FAAH2: variants seen among roughly 807,000 people sequenced by gnomAD.
FAAH2 encodes fatty-acid amide hydrolase 2.
A neutral mutation model predicts 36.9 loss-of-function variants in FAAH2; 60 were observed. That is an observed-to-expected ratio of 1.63 (90% CI 1.32 to 2.02). FAAH2 has a LOEUF of 2.02. FAAH2 is among the 30% of genes most tolerant of loss of function. FAAH2 has a pLI of 0.00. For missense variants in FAAH2, 689 were observed against 397.5 expected (o/e 1.73, Z -6.23); for synonymous variants, 214 against 143.8 (o/e 1.49, Z -3.49).
At chrX:57,198,416 C>T in the FAAH2 span, among the ~76,000 whole-genome samples, 1 of 112,011 alleles carries the variant, frequency 8.9e-6, no homozygotes, top group Non-Finnish European at 1.9e-5. Flanking sequence ...GTCTCACTCT[C>T]ACCATGCCCC....
intron 10 of FAAH2, among the ~76,000 whole-genome samples, chrX:57,478,340 GT>G (rs766868743): frequency 2.3e-4 from 25 of 110,999 alleles, no homozygotes; most frequent in African/African-American, 7.5e-4. Flanking sequence ...GGGGTTGTTT[GT>G]TTTTTTCTTG....
chrX:57,213,443 A>T, the FAAH2 span, among the ~76,000 whole-genome samples: 188 of 111,180 alleles, frequency 1.7e-3, 1 homozygote, highest in Non-Finnish European at 3.1e-3. Flanking sequence ...TGATCTTTCC[A>T]TTCTTTTGAT....
the FAAH2 span, among the ~76,000 whole-genome samples, chrX:57,216,707 A>G: frequency 3.2e-5 from 3 of 92,694 alleles, no homozygotes; most frequent in African/African-American, 1.1e-4. Context: ...ACGATTTTGC[A>G]ATTGTTAATT....
chrX:57,428,286 A>G (rs1376058493), intron 7 of FAAH2, among the ~76,000 whole-genome samples: 1 of 112,202 alleles, frequency 8.9e-6, no homozygotes, highest in Non-Finnish European at 1.9e-5. Context: ...CTTGAATAAG[A>G]GGAATGAATA....
intron 10 of FAAH2, among the ~76,000 whole-genome samples, chrX:57,479,334 A>T (rs1336717115): frequency 8.1e-5 from 9 of 111,696 alleles, no homozygotes; most frequent in African/African-American, 2.9e-4. Flanking sequence ...TTGTACGTTG[A>T]TTTTTGTATC....
chrX:57,449,262 C>T (rs1436823583), intron 10 of FAAH2, among the ~76,000 whole-genome samples: 1 of 112,006 alleles, frequency 8.9e-6, no homozygotes, highest in East Asian at 2.8e-4. Flanking sequence ...AGGTCAGTTT[C>T]TATGGTTTCT....
At chrX:57,350,086 A>G (rs1328178818) in intron 5 of FAAH2, among the ~76,000 whole-genome samples, 1 of 111,347 alleles carries the variant, frequency 9.0e-6, no homozygotes, top group Non-Finnish European at 1.9e-5. Context: ...AAGGCCAGAA[A>G]ATAAATGGAT....
At chrX:57,295,575 G>A (rs1467820816) in intron 2 of FAAH2, among the ~76,000 whole-genome samples, 1 of 111,940 alleles carries the variant, frequency 8.9e-6, no homozygotes, top group African/African-American at 3.2e-5. Flanking sequence ...GGAGGTACTG[G>A]GTTCATCTCA....
the FAAH2 span, chrX:57,135,030 C>A: frequency 9.0e-6 from 1 of 111,679 alleles, no homozygotes; most frequent in Admixed American, 9.5e-5. Flanking sequence ...AGAAGTCCAA[C>A]ATTTTCCTGG....
At chrX:57,277,066 C>A in the FAAH2 span, among the ~76,000 whole-genome samples, 1 of 111,570 alleles carries the variant, frequency 9.0e-6, no homozygotes, top group Non-Finnish European at 1.9e-5. Context: ...TCCTCCCTGT[C>A]TCATTTTATA....
chrX:57,366,621 G>A (rs773448431), intron 5 of FAAH2, among the ~76,000 whole-genome samples: 1 of 112,280 alleles, frequency 8.9e-6, no homozygotes, highest in East Asian at 2.8e-4. Context: ...GAGACTGTGG[G>A]CAAGCATACA....
the FAAH2 span, among the ~76,000 whole-genome samples, chrX:57,200,047 T>C: frequency 8.9e-6 from 1 of 111,775 alleles, no homozygotes; most frequent in Admixed American, 9.5e-5. Context: ...CTTCAGCTAA[T>C]GTACAGCTTT....
chrX:57,283,470 T>G (rs778712023), upstream of FAAH2, among the ~76,000 whole-genome samples: 6 of 110,770 alleles, frequency 5.4e-5, no homozygotes, highest in Non-Finnish European at 1.1e-4. Flanking sequence ...AGTAAAGCCC[T>G]CAGGATCTTC....
In FAAH2 at chrX:57,352,078, A is replaced by G. The variant is rs6612788; in HGVS notation, c.742+10688A>G. ...TATATATATATATACACATATATAT[A>G]TGTGTATATATATGCACATATATAT... On this transcript the variant is annotated intron_variant, in intron 5 of 10. Coordinates refer to ENST00000374900, the MANE Select transcript of FAAH2 (RefSeq NM_174912.4). 7.3e-3 allele frequency among the ~76,000 whole-genome samples: 293 copies of G among 40,279 alleles called. 29 individuals carry two copies. Among genetic ancestry groups the G allele is most frequent in the Non-Finnish European group, 0.01 (267 of 26,187 alleles). The allele number at this position is 40,279 out of a possible 115,157, so 35.0% of individuals were successfully genotyped here.
intron 7 of FAAH2, among the ~76,000 whole-genome samples, chrX:57,384,945 C>T (rs1223042219): frequency 9.9e-5 from 11 of 111,633 alleles, no homozygotes; most frequent in Non-Finnish European, 1.7e-4. Context: ...GAATACTATG[C>T]AGCCAGAAAA....
intron 7 of FAAH2, among the ~76,000 whole-genome samples, chrX:57,407,053 T>C (rs1311684484): frequency 8.9e-6 from 1 of 112,059 alleles, no homozygotes; most frequent in Non-Finnish European, 1.9e-5. Context: ...CTGTGTTTCC[T>C]TTGTCCCAAG....
At chrX:57,359,970 G>GT (rs763849674) in intron 5 of FAAH2, among the ~76,000 whole-genome samples, 2,800 of 98,578 alleles carry the variant, frequency 0.028, 91 homozygotes, top group African/African-American at 0.085. Flanking sequence ...TTTTCAGGGT[G>GT]TTTTTTTTTT....
the FAAH2 span, among the ~76,000 whole-genome samples, chrX:57,256,218 A>G: frequency 8.9e-6 from 1 of 111,753 alleles, no homozygotes; most frequent in East Asian, 2.8e-4. Flanking sequence ...CTTACAAGGG[A>G]TGTGAAGGAC....
At chrX:57,160,266 C>A in the FAAH2 span, among the ~76,000 whole-genome samples, 2 of 111,530 alleles carry the variant, frequency 1.8e-5, no homozygotes, top group Admixed American at 9.5e-5. Context: ...ATTTTTGCAT[C>A]AATGTTCATT....
Sources: allele counts gnomAD v4.1 joint callset (sites outside exome capture counted in the v4.1 genomes callset), GRCh38; gene constraint gnomAD v4.1.1; transcripts MANE v1.5; gene names NCBI Gene and HGNC (gene_info 2026-07-23, HGNC 2026-07-21).